Variants in SLC6A15 observed in about 807,000 individuals in gnomAD.
SLC6A15 encodes the protein solute carrier family 6 member 15.
In SLC6A15, 33 loss-of-function variants were observed where a neutral mutation model predicts 68.5. The ratio of observed to expected loss-of-function variants is 0.48; its 90% CI spans 0.37 to 0.64. The LOEUF (loss-of-function observed/expected upper bound fraction) is 0.64. Ranked by LOEUF, SLC6A15 falls within the 30% of genes least tolerant of loss-of-function variation. The probability of loss-of-function intolerance (pLI) is 0.00; values close to 1 mark genes in which losing one functional copy is unlikely to be tolerated. For synonymous variants in SLC6A15, 347 were observed against 301.0 expected (o/e 1.15, Z -1.58); for missense variants, 747 against 874.3 (o/e 0.85, Z 1.84).
intron 1 of SLC6A15, among the ~76,000 whole-genome samples, chr12:84,906,057 T>A (rs1225352516): frequency 6.6e-6 from 1 of 152,224 alleles, no homozygotes; most frequent in Non-Finnish European, 1.5e-5. Flanking sequence ...TAAATTCTAA[T>A]GAATCTACAA....
chr12:84,859,666 G>T lies in SLC6A15; in HGVS notation c.*1966C>A, dbSNP rs1399659724. 6.6e-6 allele frequency: 1 copy of T among 151,816 alleles called. No individual in the cohort carries two copies. Among genetic ancestry groups the T allele is most frequent in the Non-Finnish European group, 1.5e-5 (1 of 67,882 alleles). 9.4% of individuals were successfully genotyped at this position (151,816 alleles called of 1,614,324 possible). A position where few individuals can be genotyped will look rare whatever the true frequency, so the allele number is the denominator to read the frequency against. ...TTGTGTTACGGTTAAAGTCTGGCAGGTTAAGTATTAAAGATTAGGGTACCA... is the reference window on the plus strand; with the variant it reads ...TTGTGTTACGGTTAAAGTCTGGCAGTTTAAGTATTAAAGATTAGGGTACCA... On this transcript the variant is annotated 3_prime_UTR_variant, in exon 12 of 12. Coordinates refer to ENST00000266682, the MANE Select transcript of SLC6A15 (RefSeq NM_182767.6).
chr12:84,903,113 C>T (rs769017232), intron 1 of SLC6A15, among the ~76,000 whole-genome samples: 7 of 152,056 alleles, frequency 4.6e-5, no homozygotes, highest in Non-Finnish European at 7.4e-5. Flanking sequence ...TCTGTGAAAT[C>T]GTAATTATTT....
intron 5 of SLC6A15, chr12:84,881,460 A>G: frequency 3.1e-5 from 31 of 985,364 alleles, no homozygotes; most frequent in Non-Finnish European, 3.5e-5. Flanking sequence ...AATTTCTCAT[A>G]ATAAAAAGGA....
Position 84,861,780 on chromosome 12 carries a change from G to A in SLC6A15, c.2045C>T (p.Pro682Leu), listed in dbSNP as rs528847039. Residue 682 changes from proline (P) to leucine (L), a missense_variant, in exon 12 of 12, where the codon CCG (proline) becomes CTG (leucine). Physicochemically the swap from Pro to Leu is moderately conservative, Grantham distance 98. Transcript: ENST00000266682. ...AAAATTTGGAGATGGCATCTCGCTC[G>A]GTATTTTTCCGTGAATGAGGCTTGT... Reference protein sequence around the residue: ...DDTSLIHGKIPSEMPSPNFGK... With the variant: ...DDTSLIHGKILSEMPSPNFGK... The A allele has an allele frequency of 8.1e-6, 13 of 1,613,872 alleles. No individual in the cohort carries two copies. In the Middle Eastern group the frequency reaches 5.0e-4, roughly 61 times the overall value.
At chr12:84,881,767 G>A (rs752691891) in intron 5 of SLC6A15, 165 of 912,286 alleles carry the variant, frequency 1.8e-4, no homozygotes, top group Non-Finnish European at 2.1e-4. Context: ...GGCATTTTCT[G>A]TTTAGTAGGT....
chr12:84,879,136 A>C (rs1871701092), intron 5 of SLC6A15, among the ~76,000 whole-genome samples: 1 of 152,040 alleles, frequency 6.6e-6, no homozygotes, highest in South Asian at 2.1e-4. Context: ...AGTTGTATGC[A>C]AAAGTCACAC....
chr12:84,871,986 C>T (rs370164146), intron 8 of SLC6A15, among the ~76,000 whole-genome samples: 1 of 151,874 alleles, frequency 6.6e-6, no homozygotes, highest in Non-Finnish European at 1.5e-5. Context: ...CGCCTTCTCC[C>T]GTCTCTACTA....
At chr12:84,904,901 T>C (rs1360573960) in intron 1 of SLC6A15, among the ~76,000 whole-genome samples, 1 of 152,168 alleles carries the variant, frequency 6.6e-6, no homozygotes, top group East Asian at 1.9e-4. Flanking sequence ...GAACATTTAA[T>C]AGCTATATAA....
chr12:84,903,294 C>T (rs1182645113), intron 1 of SLC6A15, among the ~76,000 whole-genome samples: 2 of 151,926 alleles, frequency 1.3e-5, no homozygotes, highest in Non-Finnish European at 2.9e-5. Flanking sequence ...ATGTAAGTGA[C>T]GAGTTAATGG....
chr12:84,882,967 A>G (rs1293791383), intron 5 of SLC6A15: 2 of 940,168 alleles, frequency 2.1e-6, no homozygotes, highest in Non-Finnish European at 2.5e-6. Flanking sequence ...TACTACTACT[A>G]CTATTGCCAT....
rs1199012363 is a variant in SLC6A15 at position 84,870,689 on chromosome 12, A to G, written c.1303-19T>C. 2 of 1,556,034 alleles carry G rather than the reference A, an allele frequency of 1.3e-6. No individual in the cohort carries two copies. Among genetic ancestry groups the G allele is most frequent in the Admixed American group, 1.7e-5 (1 of 58,190 alleles). On this transcript the variant is annotated intron_variant, in intron 8 of 11. Transcript: ENST00000266682. ...GAACAGCCTGCAAAATACACAAAAT[A>G]GCAACATTAGTACAGAGTAATTATT...
In SLC6A15 at chr12:84,900,122, G is replaced by A. The variant is rs1872793554; in HGVS notation, c.-188-7814C>T. On this transcript the variant is annotated intron_variant, in intron 1 of 11. Transcript: ENST00000266682. ...GAGTTTTCCAGGCTATAAACTTGGT[G>A]TATCTTTTTATTTATTTCATGTCTT... 2.0e-5 allele frequency among the ~76,000 whole-genome samples: 3 copies of A among 152,090 alleles called. No homozygotes were observed. In the South Asian group the frequency reaches 6.2e-4, roughly 32 times the overall value.
At chr12:84,887,483 A>G (rs916360047) in intron 2 of SLC6A15, among the ~76,000 whole-genome samples, 1 of 152,174 alleles carries the variant, frequency 6.6e-6, no homozygotes, top group African/African-American at 2.4e-5. Context: ...GAACCTTTCT[A>G]TGACTGATTT....
intron 2 of SLC6A15, among the ~76,000 whole-genome samples, chr12:84,888,053 C>T (rs1023955092): frequency 6.6e-6 from 1 of 151,070 alleles, no homozygotes; most frequent in African/African-American, 2.4e-5. Context: ...TGGTGAGACG[C>T]CCCCCGTCTC....
At chr12:84,882,985 A>G in intron 5 of SLC6A15, 1 of 977,992 alleles carries the variant, frequency 1.0e-6, no homozygotes, top group South Asian at 4.7e-5. Flanking sequence ...CATTCCTGCT[A>G]GTATATGATG....
Position 84,861,717 on chromosome 12 carries a change from G to A in SLC6A15, c.2108C>T (p.Thr703Ile), listed in dbSNP as rs1265291686. 3.1e-6 allele frequency: 5 copies of A among 1,613,990 alleles called. No individual in the cohort carries two copies. The highest frequency in any genetic ancestry group is 4.2e-6 in the Non-Finnish European group (5 of 1,179,918). ...NIYRKQSGSPTLDTAPNGRYG... is the reference protein window; with the variant it reads ...NIYRKQSGSPILDTAPNGRYG... The stretch of plus-strand genomic sequence containing the variant: ...CCGTCCATTGGGAGCAGTATCCAGA[G>A]TTGGGGATCCACTCTGTTTTCGATA... The change falls in exon 12 of 12, where the codon ACT becomes ATT. Residue 703 changes from threonine (T) to isoleucine (I), a missense_variant. Physicochemically the swap from Thr to Ile is moderately conservative, Grantham distance 89. Transcript: ENST00000266682.
rs752764303 is a variant in SLC6A15 at position 84,876,571 on chromosome 12, G to C, written c.793C>G (p.Leu265Val). The change falls in exon 6 of 12, where the codon CTT (leucine) becomes GTT (valine). Residue 265 changes from leucine to valine, a missense_variant. Coordinates refer to ENST00000266682, the MANE Select transcript of SLC6A15 (RefSeq NM_182767.6). ...AATGCTCTGATGAGGAAGCAAATAA[G>C]TACCACATATGGAAACAGAGAACTA... ...YFSSLFPYVVLICFLIRAFLL... is the reference protein window; with the variant it reads ...YFSSLFPYVVVICFLIRAFLL... 6.3e-7 allele frequency: 1 copy of C among 1,592,022 alleles called. No homozygotes were observed. Among genetic ancestry groups the C allele is most frequent in the South Asian group, 1.2e-5 (1 of 86,648 alleles).
chr12:84,900,410 T>A (rs1872808768), intron 1 of SLC6A15, among the ~76,000 whole-genome samples: 1 of 151,936 alleles, frequency 6.6e-6, no homozygotes, highest in Admixed American at 6.6e-5. Flanking sequence ...ATAATGATAA[T>A]TTAACTTTCA....
chr12:84,903,260 T>C (rs1263678234), intron 1 of SLC6A15, among the ~76,000 whole-genome samples: 2 of 152,078 alleles, frequency 1.3e-5, no homozygotes, highest in African/African-American at 2.4e-5. Context: ...TAAGACAAAG[T>C]TTTATTAACG....
Sources: allele counts gnomAD v4.1 joint callset (sites outside exome capture counted in the v4.1 genomes callset), GRCh38; gene constraint gnomAD v4.1.1; transcripts MANE v1.5; gene names NCBI Gene and HGNC (gene_info 2026-07-23, HGNC 2026-07-21).